COPE: variants seen among roughly 807,000 people sequenced by gnomAD.
COPE encodes the protein coat protein complex I subunit epsilon.
Under a neutral mutation model 42.1 loss-of-function variants are expected in COPE, and 19 were observed. The ratio of observed to expected loss-of-function variants is 0.45; its 90% confidence interval spans 0.31 to 0.66. The LOEUF (loss-of-function observed/expected upper bound fraction) is 0.66, where lower values mean the gene tolerates loss of function less well. COPE is among the 30% of genes least tolerant of loss of function. The pLI, the probability that COPE is intolerant of heterozygous loss-of-function variation, is 0.05. For synonymous variants in COPE, 195 were observed against 181.3 expected (o/e 1.08, Z -0.60); for missense variants, 402 against 416.1 (o/e 0.97, Z 0.30).
intron 7 of COPE, 85 bp from the exon 8 acceptor site, chr19:18,900,534 A>G: frequency 9.6e-7 from 1 of 1,037,786 alleles, no homozygotes; most frequent in South Asian, 1.5e-5. Context: ...AGGCAGCACC[A>G]CACAAGGTCA....
At chr19:18,905,745 C>A (rs1194355932) in intron 4 of COPE, 116 bp from the exon 5 acceptor site, 4 of 1,011,220 alleles carry the variant, frequency 4.0e-6, no homozygotes, top group Non-Finnish European at 5.8e-6. Context: ...GTGCTTAGGA[C>A]CACCAGCCCC....
chr19:18,900,399 G>GT lies in COPE; in HGVS notation c.785dup (p.His262GlnfsTer7). On this transcript the variant is annotated frameshift_variant, in exon 8 of 10. Transcript: ENST00000262812. LOFTEE classifies it high-confidence loss of function. Reference sequence around the variant, plus strand: ...CGCTTACCTCAGGGGGCTTGCCCAGGTGCTGGGACAGGACGATGAGGTTGA... The same window carrying GT: ...CGCTTACCTCAGGGGGCTTGCCCAGGTTGCTGGGACAGGACGATGAGGTTGA... 6.5e-7 allele frequency: 1 copy of GT among 1,549,268 alleles called. No homozygotes were observed. The highest frequency in any genetic ancestry group is 8.7e-7 in the Non-Finnish European group (1 of 1,145,966).
At chr19:18,911,621 G>A (rs1482656507) in intron 2 of COPE, among the ~76,000 whole-genome samples, 1 of 150,746 alleles carries the variant, frequency 6.6e-6, no homozygotes, top group Non-Finnish European at 1.5e-5. Context: ...GCGTGATCTC[G>A]GCTCACTGCA....
intron 5 of COPE, 23 bp from the exon 6 acceptor site, chr19:18,904,875 A>G: frequency 6.4e-7 from 1 of 1,550,874 alleles, no homozygotes; most frequent in African/African-American, 1.4e-5. Context: ...CAGATGACAG[A>G]GGGGCTGAGT....
chr19:18,913,349 G>A (rs958285720), intron 1 of COPE, among the ~76,000 whole-genome samples: 3 of 152,238 alleles, frequency 2.0e-5, no homozygotes, highest in Non-Finnish European at 2.9e-5. Flanking sequence ...TCTAACCTCT[G>A]GACATGGGGC....
chr19:18,900,259 G>T, intron 8 of COPE, 122 bp downstream of exon 8: 2 of 805,306 alleles, frequency 2.5e-6, no homozygotes, highest in Non-Finnish European at 2.0e-6. Flanking sequence ...AGGGAGGTGG[G>T]CTGCGGTAGG....
rs116490543 is a variant in COPE at position 18,907,024 on chromosome 19, A to G, written c.379T>C (p.Tyr127His). The G allele has an allele frequency of 6.4e-4, 1,024 of 1,599,268 alleles. 6 individuals are homozygous for G. In the African/African-American group the frequency reaches 0.012, roughly 19 times the overall value. Residue 127 changes from tyrosine to histidine, a missense_variant, in exon 4 of 10, where the codon TAT becomes CAT. By Grantham distance (83) the Tyr-to-His change is moderately conservative. Coordinates refer to ENST00000262812, the MANE Select transcript of COPE (RefSeq NM_007263.4). ...GCATCCGGGTTCTGGTCGTGGAGAT[A>G]GATGGAGGCGGCCATGAGCAGGAAG... ...TTFLLMAASI[Y>H]LHDQNPDAAL...
Position 18,899,538 on chromosome 19 carries a change from G to T in COPE, c.*141C>A. On this transcript the variant is annotated 3_prime_UTR_variant, in exon 10 of 10. Transcript: ENST00000262812. ...ATCAGGTGGAACACCCTGGAGTTGA[G>T]ATATTTATTAACAGATGGGGGTGCT... 1.3e-6 allele frequency: 1 copy of T among 756,312 alleles called. No homozygotes were observed. The highest frequency in any genetic ancestry group is 2.2e-6 in the Non-Finnish European group (1 of 451,842). The allele number at this position is 756,312 out of a possible 1,614,324, so 46.9% of individuals were successfully genotyped here.
chr19:18,914,946 T>C (rs1457051734), intron 1 of COPE, among the ~76,000 whole-genome samples: 5 of 151,944 alleles, frequency 3.3e-5, no homozygotes, highest in African/African-American at 9.7e-5. Context: ...CAGGCTGGTC[T>C]TGAACTCCTG....
chr19:18,911,856 T>C (rs1601229599), intron 2 of COPE, among the ~76,000 whole-genome samples: 2 of 150,516 alleles, frequency 1.3e-5, no homozygotes, highest in East Asian at 3.9e-4. Context: ...CCGGCCTTTT[T>C]TTTTTTTTTT....
chr19:18,916,363 A>G (rs2056853894), intron 1 of COPE, among the ~76,000 whole-genome samples: 1 of 150,796 alleles, frequency 6.6e-6, no homozygotes. Context: ...AAAAAAAAAA[A>G]GTATTCCTGG....
At chr19:18,919,127 A>ATT (rs2056887543) in intron 1 of COPE, 96 bp downstream of exon 1, 1 of 1,391,990 alleles carries the variant, frequency 7.2e-7, no homozygotes, top group Non-Finnish European at 9.9e-7. Context: ...GCGAGAAGAA[A>ATT]AGAGAAAGTT....
chr19:18,900,870 A>C (rs904207480), intron 7 of COPE, among the ~76,000 whole-genome samples: 2 of 151,858 alleles, frequency 1.3e-5, no homozygotes, highest in Non-Finnish European at 2.9e-5. Context: ...TGACTCACTC[A>C]CTCTAGGCTC....
intron 7 of COPE, among the ~76,000 whole-genome samples, chr19:18,900,941 T>C (rs1214295018): frequency 6.6e-6 from 1 of 152,214 alleles, no homozygotes; most frequent in African/African-American, 2.4e-5. Context: ...CCCTGGTGTC[T>C]GCTTGGAGCA....
intron 1 of COPE, among the ~76,000 whole-genome samples, chr19:18,917,293 C>A (rs1405103328): frequency 2.1e-5 from 3 of 139,810 alleles, no homozygotes; most frequent in South Asian, 2.2e-4. Flanking sequence ...ATAGTAAGAG[C>A]ACCAACATCT....
intron 3 of COPE, among the ~76,000 whole-genome samples, chr19:18,909,942 A>G (rs1337432136): frequency 6.6e-6 from 1 of 152,154 alleles, no homozygotes; most frequent in Non-Finnish European, 1.5e-5. Flanking sequence ...CATATTCACA[A>G]GCATGTGGGA....
rs1387844238 is a variant in COPE at position 18,903,354 on chromosome 19, G to A, written c.649C>T (p.Leu217=). 6.2e-6 allele frequency: 10 copies of A among 1,612,798 alleles called. No individual in the cohort carries two copies. Among genetic ancestry groups the A allele is most frequent in the Non-Finnish European group, 8.5e-6 (10 of 1,179,554 alleles). ...EMADKCSPTL[L]LLNGQAACHM... ...CAGGCCGCCTGCCCATTGAGCAGCA[G>A]CAGGGTGGGCGAGCACTTGTCAGCC... is the stretch of plus-strand genomic sequence containing the variant. Residue 217 remains leucine (L), a synonymous_variant, in exon 7 of 10, where the codon CTG becomes TTG. Transcript: ENST00000262812.
At position 18,905,645 on chromosome 19, in the gene COPE, AG is replaced by A; in HGVS notation, c.444-17del. On this transcript the variant is annotated splice_polypyrimidine_tract_variant and intron_variant, in intron 4 of 9. Coordinates refer to ENST00000262812, the MANE Select transcript of COPE (RefSeq NM_007263.4). ...CATGGCTGTGCTGCAGGACAGGGCG[AG>A]GGGGCGGTCAGCGGGTCGCCACAGA... The A allele has an allele frequency of 1.3e-6, 2 of 1,588,386 alleles. No homozygotes were observed. The highest frequency in any genetic ancestry group is 1.7e-5 in the Admixed American group (1 of 57,408).
rs1396162053 is a variant in COPE, at chr19:18,919,216, G to A, written c.126+7C>T. The A allele has an allele frequency of 5.0e-6, 8 of 1,608,484 alleles. No individual in the cohort carries two copies. In the African/African-American group the frequency reaches 1.1e-4, roughly 22 times the overall value. The stretch of plus-strand genomic sequence containing the variant: ...CCCAGCGTCCCCGCGCCCCTGCGCG[G>A]CCGCACCTTCACCCGCTGCGCCTCG... On this transcript the variant is annotated splice_region_variant and intron_variant, in intron 1 of 9. Transcript: ENST00000262812.
Sources: allele counts gnomAD v4.1 joint callset (sites outside exome capture counted in the v4.1 genomes callset), GRCh38; gene constraint gnomAD v4.1.1; transcripts MANE v1.5; gene names NCBI Gene and HGNC (gene_info 2026-07-23, HGNC 2026-07-21).